Variants in TRIM33 observed in about 807,000 individuals in gnomAD.
The protein encoded by TRIM33 is tripartite motif containing 33.
TRIM33 carries 20 observed loss-of-function variants against 125.4 expected under a neutral mutation model. That is an observed-to-expected ratio of 0.16 (90% CI 0.11 to 0.23). The LOEUF (loss-of-function observed/expected upper bound fraction) is 0.23. Among genes scored for constraint, TRIM33 ranks in the 10% least tolerant of loss-of-function variants. The pLI is 1.00. For missense variants in TRIM33, 920 were observed against 1,411.4 expected (o/e 0.65, Z 5.58); for synonymous variants, 564 against 513.9 (o/e 1.10, Z -1.32).
chr1:114,420,239 C>T (rs1653194028), intron 11 of TRIM33: 1 of 402,824 alleles, frequency 2.5e-6, no homozygotes, highest in Admixed American at 3.1e-5. Context: ...CCTTCACATT[C>T]CATCTACTCC....
intron 1 of TRIM33, among the ~76,000 whole-genome samples, chr1:114,473,486 G>C (rs950628803): frequency 1.3e-5 from 2 of 152,024 alleles, no homozygotes; most frequent in African/African-American, 4.8e-5. Context: ...GAGAGTGACG[G>C]GGTGAGTGGT....
intron 6 of TRIM33, among the ~76,000 whole-genome samples, chr1:114,430,290 G>A (rs981129447): frequency 6.6e-6 from 1 of 151,934 alleles, no homozygotes; most frequent in Non-Finnish European, 1.5e-5. Context: ...CTGTTGCCCA[G>A]GCTGGAGTGC....
rs2101159648 is a variant in TRIM33, at chr1:114,425,600, C to T, written c.1544G>A (p.Arg515Gln). 1 of 1,613,964 alleles carries T rather than the reference C, an allele frequency of 6.2e-7. No individual in the cohort carries two copies. Among genetic ancestry groups the T allele is most frequent in the Non-Finnish European group, 8.5e-7 (1 of 1,179,998 alleles). ...TPGQINLAQLRLQHMQQQVYA... is the reference protein window; with the variant it reads ...TPGQINLAQLQLQHMQQQVYA... ...TACTTGTTGTTGCATGTGCTGGAGT[C>T]GAAGCTGTGCTAAGTTAATCTGTCC... The change falls in exon 9 of 20, where the codon CGA (arginine) becomes CAA (glutamine). Residue 515 changes from arginine (R) to glutamine (Q), a missense_variant. This residue lies in a region of TRIM33 where 407 missense variants were observed against 589.7 expected (regional missense o/e 0.69). Coordinates refer to ENST00000358465, the MANE Select transcript of TRIM33 (RefSeq NM_015906.4).
chr1:114,399,183 A>T (rs1651727363), intron 18 of TRIM33, among the ~76,000 whole-genome samples: 1 of 152,054 alleles, frequency 6.6e-6, no homozygotes, highest in Non-Finnish European at 1.5e-5. Context: ...AATATACGTA[A>T]CTACTGACAG....
intron 1 of TRIM33, among the ~76,000 whole-genome samples, chr1:114,477,088 C>T (rs7520209): frequency 0.13 from 20,235 of 152,110 alleles, 1,837 homozygotes; most frequent in East Asian, 0.39. Flanking sequence ...TTCTGTCAAT[C>T]TGTCAAAAGA....
At chr1:114,487,931 T>A (rs1423845606) in intron 1 of TRIM33, among the ~76,000 whole-genome samples, 2,213 of 109,528 alleles carry the variant, frequency 0.02, 83 homozygotes, top group African/African-American at 0.079. Flanking sequence ...AAAAAAAAAA[T>A]GAGAGTAAAT....
rs1323895521 is a variant in TRIM33 at position 114,397,321 on chromosome 1, C to T, written c.*327G>A. 5.1e-6 allele frequency: 2 copies of T among 388,854 alleles called. No individual in the cohort carries two copies. Among genetic ancestry groups the T allele is most frequent in the African/African-American group, 4.1e-5 (2 of 49,282 alleles). The allele number at this position is 388,854 out of a possible 1,614,324, so 24.1% of individuals were successfully genotyped here. On this transcript the variant is annotated 3_prime_UTR_variant, in exon 20 of 20. Transcript: ENST00000358465. ...ATTTACTCGTATACCAAGTATCCTG[C>T]ACCAATCAATAGCACACAATCATCA...
chr1:114,431,298 C>T (rs913469395), intron 5 of TRIM33, among the ~76,000 whole-genome samples: 7 of 152,132 alleles, frequency 4.6e-5, no homozygotes, highest in Non-Finnish European at 1.0e-4. Flanking sequence ...GACAATGTCA[C>T]AAGCAATAAT....
At chr1:114,410,885 C>T (rs1296661928) in intron 11 of TRIM33, among the ~76,000 whole-genome samples, 1 of 152,136 alleles carries the variant, frequency 6.6e-6, no homozygotes, top group Non-Finnish European at 1.5e-5. Context: ...TGGTTCTCAA[C>T]CTGAACGTCA....
At chr1:114,401,907 T>C (rs1405186863) in intron 16 of TRIM33, among the ~76,000 whole-genome samples, 1 of 152,182 alleles carries the variant, frequency 6.6e-6, no homozygotes, top group East Asian at 1.9e-4. Context: ...TCAGTCTAAC[T>C]CCAAAAATAT....
intron 11 of TRIM33, among the ~76,000 whole-genome samples, chr1:114,411,198 G>C (rs60939066): frequency 2.6e-5 from 4 of 151,760 alleles, no homozygotes; most frequent in African/African-American, 9.7e-5. Context: ...GCGCCACAAC[G>C]CCTGGCTAAT....
At chr1:114,424,382 G>A (rs1210725142) in intron 10 of TRIM33, among the ~76,000 whole-genome samples, 1 of 152,066 alleles carries the variant, frequency 6.6e-6, no homozygotes, top group African/African-American at 2.4e-5. Flanking sequence ...TTAACCCACA[G>A]TATATGATGC....
chr1:114,483,658 C>T (rs185974574), intron 1 of TRIM33, among the ~76,000 whole-genome samples: 5 of 152,042 alleles, frequency 3.3e-5, no homozygotes, highest in Admixed American at 6.6e-5. Flanking sequence ...GGCAATCCAC[C>T]CGCCTCAGCC....
chr1:114,436,146 T>C lies in TRIM33; in HGVS notation c.924-2413A>G, dbSNP rs542247564. On this transcript the variant is annotated intron_variant, in intron 4 of 19. Transcript: ENST00000358465. ...GGCCAGGCGTGGTGGCTCACACCTG[T>C]AATCCCAGCACTTTGGAAGGCCGAG... Among the ~76,000 whole-genome samples the C allele has an allele frequency of 5.9e-5, 9 of 151,768 alleles. No homozygotes were observed. The East Asian group carries it at 1.6e-3, about 27-fold the overall frequency.
In TRIM33 at chr1:114,421,441, T is replaced by C; in HGVS notation, c.2056A>G (p.Ile686Val). ...NLPSLPDIPP[I>V]QLEDAGSSSL... is the part of the protein sequence containing the mutation. The stretch of plus-strand genomic sequence containing the variant: ...CATTCAACTCAAATACAAACCTGTA[T>C]GGGTGGAATATCTGGCAGCGATGGA... Residue 686 changes from isoleucine to valine, a missense_variant, in exon 11 of 20, where the codon ATA becomes GTA. Around this residue, in one of 8 missense-constraint regions of TRIM33, gnomAD observed 407 missense variants for 589.7 expected, o/e 0.69. Coordinates refer to ENST00000358465, the MANE Select transcript of TRIM33 (RefSeq NM_015906.4). 6.2e-7 allele frequency: 1 copy of C among 1,613,434 alleles called. No homozygotes were observed. The highest frequency in any genetic ancestry group is 1.1e-5 in the South Asian group (1 of 91,064).
chr1:114,427,550 A>T (rs962711085), intron 7 of TRIM33, among the ~76,000 whole-genome samples, 198 bp downstream of exon 7: 18 of 152,202 alleles, frequency 1.2e-4, no homozygotes, highest in Non-Finnish European at 2.4e-4. Flanking sequence ...ATGAAATTCT[A>T]AAAAATGACA....
intron 4 of TRIM33, among the ~76,000 whole-genome samples, chr1:114,436,249 A>C (rs1648286098): frequency 6.6e-6 from 1 of 151,462 alleles, no homozygotes; most frequent in African/African-American, 2.4e-5. Flanking sequence ...AAAATACAAA[A>C]AAATTAGCCC....
At chr1:114,401,658 T>C (rs1277463701) in intron 16 of TRIM33, among the ~76,000 whole-genome samples, 195 bp from the exon 17 acceptor site, 1 of 152,210 alleles carries the variant, frequency 6.6e-6, no homozygotes, top group Non-Finnish European at 1.5e-5. Flanking sequence ...AGACTATCTT[T>C]TGTTCTACTT....
At chr1:114,412,734 ATTTG>A (rs1367256270) in intron 11 of TRIM33, among the ~76,000 whole-genome samples, 41 of 152,260 alleles carry the variant, frequency 2.7e-4, no homozygotes, top group South Asian at 6.2e-4. Context: ...TGAACACACA[ATTTG>A]TTTATCCATT....
Sources: allele counts gnomAD v4.1 joint callset (sites outside exome capture counted in the v4.1 genomes callset), GRCh38; gene constraint gnomAD v4.1.1; regional missense constraint gnomAD v4.1.1; transcripts MANE v1.5; gene names NCBI Gene and HGNC (gene_info 2026-07-23, HGNC 2026-07-21).